ADSS2: variants seen among roughly 807,000 people sequenced by gnomAD.
ADSS2 encodes the protein adenylosuccinate synthase 2, also known as adenylosuccinate synthetase isozyme 2.
A neutral mutation model predicts 60.0 loss-of-function variants in ADSS2; 30 were observed. The observed-to-expected ratio is 0.50, with a 90% CI of 0.37 to 0.68. ADSS2 has a LOEUF of 0.68. Ranked by LOEUF, ADSS2 falls within the 30% of genes least tolerant of loss-of-function variation. ADSS2 has a pLI of 0.00. For synonymous variants in ADSS2, 187 were observed against 193.1 expected (o/e 0.97, Z 0.26); for missense variants, 373 against 554.8 (o/e 0.67, Z 3.29).
chr1:244,428,779 A>T (rs1463712617), intron 4 of ADSS2, among the ~76,000 whole-genome samples: 1 of 152,196 alleles, frequency 6.6e-6, no homozygotes, highest in African/African-American at 2.4e-5. Flanking sequence ...CAATAATTTC[A>T]TAAGTTAGAT....
chr1:244,441,921 A>G (rs1049410326), intron 1 of ADSS2, among the ~76,000 whole-genome samples: 2 of 152,150 alleles, frequency 1.3e-5, no homozygotes, highest in Non-Finnish European at 2.9e-5. Flanking sequence ...ACGCCACTGC[A>G]CTCCAGCCTG....
Position 244,429,317 on chromosome 1 carries a change from T to C in ADSS2, c.406+3228A>G, listed in dbSNP as rs530475059. The stretch of plus-strand genomic sequence containing the variant: ...CAGCACACTTTTATACAGAATCTCA[T>C]ATTATGGAAAATTTTTTAAATCCTT... On this transcript the variant is annotated intron_variant, in intron 4 of 12. Transcript: ENST00000366535. 3.3e-3 allele frequency among the ~76,000 whole-genome samples: 509 copies of C among 152,318 alleles called. 1 individual carries two copies. The highest frequency in any genetic ancestry group is 5.7e-3 in the Non-Finnish European group (385 of 68,012).
intron 7 of ADSS2, 46 bp downstream of exon 7, chr1:244,422,789 G>T: frequency 1.4e-6 from 2 of 1,424,156 alleles, no homozygotes; most frequent in Non-Finnish European, 2.0e-6. Context: ...TGCCAATTTG[G>T]CAAACAAGTA....
intron 1 of ADSS2, among the ~76,000 whole-genome samples, chr1:244,440,429 A>ATT (rs1572145750): frequency 1.3e-5 from 2 of 152,224 alleles, no homozygotes; most frequent in African/African-American, 4.8e-5. Context: ...TATGGCATAT[A>ATT]TTTTAAAAAA....
chr1:244,420,734 C>A (rs996154003), intron 7 of ADSS2, among the ~76,000 whole-genome samples: 7 of 152,006 alleles, frequency 4.6e-5, no homozygotes, highest in Non-Finnish European at 8.8e-5. Context: ...TGAGACAGAG[C>A]CTTGCTCTGT....
At chr1:244,419,118 A>G in intron 8 of ADSS2, 1 of 511,092 alleles carries the variant, frequency 2.0e-6, no homozygotes, top group Non-Finnish European at 3.4e-6. Context: ...CTTTAACGCA[A>G]GTGCTTATAC....
chr1:244,429,092 G>A (rs1185589755), intron 4 of ADSS2, among the ~76,000 whole-genome samples: 2 of 152,178 alleles, frequency 1.3e-5, no homozygotes, highest in African/African-American at 4.8e-5. Context: ...TAAATTAGCT[G>A]TTGGGTGTAT....
chr1:244,424,129 C>A (rs1296090057), intron 5 of ADSS2, 69 bp from the exon 6 acceptor site: 2 of 1,350,702 alleles, frequency 1.5e-6, no homozygotes, highest in African/African-American at 2.9e-5. Context: ...CAGATCATTG[C>A]AGTGAATAAA....
rs775917873 is a variant in ADSS2 at position 244,451,778 on chromosome 1, G to C, written c.40C>G (p.Pro14Ala). ...CTGGGGCGGCCGCAATCGCCGTTGG[G>C]CAGGGAGGATGCCGCCGGGTAGGTC... ...AETYPAASSL[P>A]NGDCGRPRAR... Residue 14 changes from proline to alanine, a missense_variant, in exon 1 of 13, where the codon CCC becomes GCC. By Grantham distance (27) the Pro-to-Ala change is conservative (BLOSUM62 -1). This residue lies in a region of ADSS2 where 47 missense variants were observed against 48.3 expected (regional missense o/e 0.97). Coordinates refer to ENST00000366535, the MANE Select transcript of ADSS2 (RefSeq NM_001126.5). The surrounding 1 kb of genome is among the most constrained non-coding windows in gnomAD (Gnocchi z 6.6). The C allele has an allele frequency of 3.1e-6, 5 of 1,598,994 alleles. No individual in the cohort carries two copies. The highest frequency in any genetic ancestry group is 4.3e-6 in the Non-Finnish European group (5 of 1,173,556).
intron 4 of ADSS2, among the ~76,000 whole-genome samples, chr1:244,429,260 G>GT (rs1281356230): frequency 6.6e-6 from 1 of 152,146 alleles, no homozygotes; most frequent in Non-Finnish European, 1.5e-5. Flanking sequence ...AAAGCCTATA[G>GT]TTTTTTCCAT....
intron 8 of ADSS2, among the ~76,000 whole-genome samples, 191 bp downstream of exon 8, chr1:244,419,979 G>A (rs1358260118): frequency 1.3e-5 from 2 of 152,110 alleles, no homozygotes; most frequent in Non-Finnish European, 1.5e-5. Flanking sequence ...AATAGGGAAC[G>A]TAACACATGT....
Position 244,424,064 on chromosome 1 carries a change from A to G in ADSS2, c.474-4T>C, listed in dbSNP as rs1192290041. 6.2e-7 allele frequency: 1 copy of G among 1,608,364 alleles called. No homozygotes were observed. Among genetic ancestry groups the G allele is most frequent in the African/African-American group, 1.3e-5 (1 of 74,698 alleles). Reference sequence around the variant, plus strand: ...GCCCTTTTTTGTTGTACCCAAACTTAAAAACAAATCCAAACAAGCTTTAAG... The same window carrying G: ...GCCCTTTTTTGTTGTACCCAAACTTGAAAACAAATCCAAACAAGCTTTAAG... On this transcript the variant is annotated splice_region_variant and splice_polypyrimidine_tract_variant and intron_variant, in intron 5 of 12. Coordinates refer to ENST00000366535, the MANE Select transcript of ADSS2 (RefSeq NM_001126.5).
chr1:244,448,438 T>C (rs887853433), intron 1 of ADSS2, among the ~76,000 whole-genome samples: 1 of 152,216 alleles, frequency 6.6e-6, no homozygotes, highest in African/African-American at 2.4e-5. Flanking sequence ...CTTTCCCTTA[T>C]GACTAACTTT....
At chr1:244,437,516 T>A in intron 2 of ADSS2, 150 bp downstream of exon 2, 1 of 613,452 alleles carries the variant, frequency 1.6e-6, no homozygotes, top group Non-Finnish European at 2.9e-6. Context: ...CAAAGTCATG[T>A]ATATTCCAGA....
chr1:244,433,719 A>C (rs1665009810), intron 3 of ADSS2, among the ~76,000 whole-genome samples: 1 of 151,880 alleles, frequency 6.6e-6, no homozygotes, highest in Non-Finnish European at 1.5e-5. Flanking sequence ...TTAGCTGGGT[A>C]CGTGATGGCG....
chr1:244,444,290 C>A (rs913555167), intron 1 of ADSS2, among the ~76,000 whole-genome samples: 1 of 151,172 alleles, frequency 6.6e-6, no homozygotes, highest in Admixed American at 6.6e-5. Context: ...CCGAGGCGGG[C>A]GGATCACGAG....
intron 11 of ADSS2, 83 bp downstream of exon 11, chr1:244,415,898 C>G (rs1249845089): frequency 1.1e-5 from 12 of 1,047,014 alleles, no homozygotes; most frequent in Non-Finnish European, 1.7e-5. Context: ...CTATCTATCA[C>G]AAATTATATG....
At chr1:244,441,391 T>G (rs1048230562) in intron 1 of ADSS2, among the ~76,000 whole-genome samples, 2 of 152,196 alleles carry the variant, frequency 1.3e-5, no homozygotes, top group Non-Finnish European at 2.9e-5. Flanking sequence ...CACAGGATAA[T>G]TCTTACCTGT....
At chr1:244,412,318 C>T (rs1274869901) in intron 11 of ADSS2, among the ~76,000 whole-genome samples, 1 of 152,194 alleles carries the variant, frequency 6.6e-6, no homozygotes, top group Non-Finnish European at 1.5e-5. Flanking sequence ...TGAGCTAACC[C>T]GCCTATGTGC....
Sources: gnomAD v4.1 joint callset for allele counts (sites outside exome capture counted in the v4.1 genomes callset) on GRCh38, gnomAD v4.1.1 for gene constraint, gnomAD v4.1.1 regional missense constraint, Gnocchi (gnomAD v3.1) non-coding constraint, MANE v1.5 for transcripts, NCBI Gene and HGNC (gene_info 2026-07-23, HGNC 2026-07-21) for gene names.